CCDC146: variants seen among roughly 807,000 people sequenced by gnomAD.
CCDC146 encodes coiled-coil domain containing 146, also known as coiled-coil domain-containing protein 146.
A neutral mutation model predicts 119.3 loss-of-function variants in CCDC146; 92 were observed. That is an observed-to-expected ratio of 0.77 (90% CI 0.65 to 0.92). CCDC146 has a LOEUF of 0.92. Ranked by LOEUF, CCDC146 falls within the 40% of genes least tolerant of loss-of-function variation. The pLI is 0.00. For missense variants in CCDC146, 1,000 were observed against 1,103.0 expected (o/e 0.91, Z 1.32); for synonymous variants, 372 against 371.8 (o/e 1.00, Z -0.01).
At chr7:77,263,538 CAT>C (rs1389203014) in intron 9 of CCDC146, among the ~76,000 whole-genome samples, 2 of 152,316 alleles carry the variant, frequency 1.3e-5, no homozygotes, top group African/African-American at 4.8e-5. Flanking sequence ...CCTTAAGCAA[CAT>C]GTGTGAAAAA....
intron 3 of CCDC146, among the ~76,000 whole-genome samples, chr7:77,241,143 C>T (rs1158418689): frequency 6.0e-5 from 9 of 150,310 alleles, no homozygotes; most frequent in African/African-American, 2.0e-4. Context: ...CTGCAAGCTC[C>T]GCCTCCTGGG....
chr7:77,283,183 G>A (rs1793792869), intron 15 of CCDC146, among the ~76,000 whole-genome samples: 1 of 152,118 alleles, frequency 6.6e-6, no homozygotes, highest in African/African-American at 2.4e-5. Context: ...GGCCCCCAGA[G>A]CAAGAGATTG....
intron 2 of CCDC146, chr7:77,193,797 A>T (rs966557220): frequency 4.7e-4 from 72 of 152,678 alleles, no homozygotes; most frequent in African/African-American, 1.7e-3. Flanking sequence ...AGTCTTAATT[A>T]AGATAACAAA....
chr7:77,179,179 G>C (rs1431831693), intron 2 of CCDC146, among the ~76,000 whole-genome samples: 2 of 152,190 alleles, frequency 1.3e-5, no homozygotes, highest in African/African-American at 4.8e-5. Flanking sequence ...ATGCAAGCCA[G>C]ACTGGGAAGT....
chr7:77,247,022 A>G (rs1479009159), intron 4 of CCDC146, among the ~76,000 whole-genome samples: 1 of 152,212 alleles, frequency 6.6e-6, no homozygotes, highest in Non-Finnish European at 1.5e-5. Context: ...TTAGGAAAAT[A>G]TTTTAATTAA....
chr7:77,125,420 T>G (rs1303505977), intron 1 of CCDC146, among the ~76,000 whole-genome samples: 1 of 151,888 alleles, frequency 6.6e-6, no homozygotes, highest in African/African-American at 2.4e-5. Context: ...CAGAGGGATA[T>G]ATACCACTTG....
intron 1 of CCDC146, among the ~76,000 whole-genome samples, chr7:77,130,121 T>C (rs1438765562): frequency 6.6e-6 from 1 of 152,132 alleles, no homozygotes; most frequent in African/African-American, 2.4e-5. Flanking sequence ...CTGAGGTTGC[T>C]AAAATCTATG....
chr7:77,124,368 C>G (rs116687598), intron 1 of CCDC146, among the ~76,000 whole-genome samples: 7,493 of 152,198 alleles, frequency 0.049, 601 homozygotes, highest in African/African-American at 0.17. Context: ...GTCCACATAT[C>G]AACAATGATT....
At position 77,287,422 on chromosome 7, in the gene CCDC146, A is replaced by C. The variant is rs1300093883; in HGVS notation, c.2278-18A>C. The C allele has an allele frequency of 6.2e-7, 1 of 1,613,446 alleles. No homozygotes were observed. The highest frequency in any genetic ancestry group is 2.2e-5 in the East Asian group (1 of 44,874). On this transcript the variant is annotated intron_variant, in intron 16 of 18. Coordinates refer to ENST00000285871, the MANE Select transcript of CCDC146 (RefSeq NM_020879.3). ...ATGACTTTTTTTTTATTCCTCTTGA[A>C]CCAATTTTCAAACATAGCTGGAACT...
chr7:77,292,230 G>C (rs1793957189), intron 17 of CCDC146, among the ~76,000 whole-genome samples: 1 of 151,608 alleles, frequency 6.6e-6, no homozygotes, highest in South Asian at 2.1e-4. Flanking sequence ...GGAGTTCCAG[G>C]CTGCAGTAAG....
chr7:77,218,353 G>A (rs1340959991), intron 2 of CCDC146, among the ~76,000 whole-genome samples: 2 of 151,330 alleles, frequency 1.3e-5, no homozygotes, highest in African/African-American at 2.4e-5. Context: ...AAATTATAAA[G>A]CAAGGTCCCA....
At chr7:77,234,025 T>C (rs915323761) in intron 2 of CCDC146, among the ~76,000 whole-genome samples, 2 of 152,190 alleles carry the variant, frequency 1.3e-5, no homozygotes, top group African/African-American at 2.4e-5. Context: ...ATGGTCTTTT[T>C]AGCTTAAGAA....
At chr7:77,192,442 A>G (rs1791785595) in intron 2 of CCDC146, among the ~76,000 whole-genome samples, 1 of 152,226 alleles carries the variant, frequency 6.6e-6, no homozygotes, top group Middle Eastern at 3.2e-3. Context: ...GGGTGATAAG[A>G]CAAAACCCAG....
intron 9 of CCDC146, among the ~76,000 whole-genome samples, chr7:77,263,664 C>T (rs1793345290): frequency 6.6e-6 from 1 of 152,242 alleles, no homozygotes; most frequent in African/African-American, 2.4e-5. Context: ...TGGCTGCTGC[C>T]TGTAATCCCA....
At chr7:77,180,314 A>T (rs1195717870) in intron 2 of CCDC146, among the ~76,000 whole-genome samples, 1 of 152,028 alleles carries the variant, frequency 6.6e-6, no homozygotes, top group Non-Finnish European at 1.5e-5. Context: ...TTGTTTATCC[A>T]TTCATCCACT....
chr7:77,177,065 G>T (rs1791511028), intron 2 of CCDC146, among the ~76,000 whole-genome samples: 1 of 151,580 alleles, frequency 6.6e-6, no homozygotes, highest in South Asian at 2.1e-4. Flanking sequence ...CAAACTCCTG[G>T]GCTCAAGTGA....
At chr7:77,179,169 A>G (rs1417705493) in intron 2 of CCDC146, among the ~76,000 whole-genome samples, 2 of 152,224 alleles carry the variant, frequency 1.3e-5, no homozygotes, top group Non-Finnish European at 2.9e-5. Context: ...AAGCAGTGAG[A>G]TGCAAGCCAG....
At chr7:77,210,447 T>G (rs1792160123) in intron 2 of CCDC146, among the ~76,000 whole-genome samples, 1 of 152,218 alleles carries the variant, frequency 6.6e-6, no homozygotes, top group African/African-American at 2.4e-5. Context: ...TGGATTTCAC[T>G]GTCCATATCA....
At chr7:77,262,038 C>CA (rs1793309510) in intron 8 of CCDC146, 83 bp from the exon 9 acceptor site, 1 of 1,138,500 alleles carries the variant, frequency 8.8e-7, no homozygotes. Context: ...CAATATTCAG[C>CA]ATGCTGTCTT....
Sources: gnomAD v4.1 joint callset for allele counts (sites outside exome capture counted in the v4.1 genomes callset) on GRCh38, gnomAD v4.1.1 for gene constraint, MANE v1.5 for transcripts, NCBI Gene and HGNC (gene_info 2026-07-23, HGNC 2026-07-21) for gene names.